The following TRHR variants were observed in gnomAD, a reference collection of about 807,000 sequenced individuals.
TRHR encodes the protein thyrotropin-releasing hormone receptor.
In TRHR, 14 loss-of-function variants were observed where a neutral mutation model predicts 28.0. That is an observed-to-expected ratio of 0.50 (90% CI 0.33 to 0.78). The LOEUF (loss-of-function observed/expected upper bound fraction) is 0.78, where lower values mean the gene tolerates loss of function less well. Ranked by LOEUF, TRHR falls within the 30% of genes least tolerant of loss-of-function variation. The pLI is 0.02. For missense variants in TRHR, 438 were observed against 469.5 expected, an observed-to-expected ratio of 0.93 and a Z score of 0.62; for synonymous variants, 176 against 171.9, an observed-to-expected ratio of 1.02 and a Z score of -0.18.
intron 1 of TRHR, 41 bp from the exon 2 acceptor site, chr8:109,087,384 T>G (rs1563619894): frequency 2.0e-6 from 2 of 1,008,996 alleles, no homozygotes; most frequent in East Asian, 5.2e-5. Flanking sequence ...TGATCAGAAA[T>G]TGTAACACTG....
chr8:109,108,544 C>T (rs1319821643), intron 2 of TRHR, among the ~76,000 whole-genome samples: 1 of 152,054 alleles, frequency 6.6e-6, no homozygotes, highest in African/African-American at 2.4e-5. Context: ...AAAATATAAC[C>T]AGGAGAGGTA....
rs147501559 is a variant in TRHR, at chr8:109,089,015, C to T, written c.789+714C>T. 1.8e-3 allele frequency among the ~76,000 whole-genome samples: 269 copies of T among 152,118 alleles called. 1 individual carries two copies. Among genetic ancestry groups the T allele is most frequent in the South Asian group, 6.4e-3 (31 of 4,824 alleles). Reference sequence around the variant, plus strand: ...TTCCTGCTAAGCATACCTAAAAATTCTGTTATACTTTTAGATCACCTGAAT... The same window carrying T: ...TTCCTGCTAAGCATACCTAAAAATTTTGTTATACTTTTAGATCACCTGAAT... On this transcript the variant is annotated intron_variant, in intron 2 of 2. Coordinates refer to ENST00000518632, the MANE Select transcript of TRHR (RefSeq NM_003301.7).
At chr8:109,099,297 C>T (rs926811251) in intron 2 of TRHR, among the ~76,000 whole-genome samples, 2 of 152,102 alleles carry the variant, frequency 1.3e-5, no homozygotes, top group Admixed American at 6.6e-5. Flanking sequence ...AGCAGACTGA[C>T]AAACACTGAG....
chr8:109,103,316 G>T (rs554830599), intron 2 of TRHR, among the ~76,000 whole-genome samples: 1 of 151,948 alleles, frequency 6.6e-6, no homozygotes, highest in Admixed American at 6.5e-5. Flanking sequence ...TATCTTTAAA[G>T]AATTCTAGAA....
At chr8:109,118,003 A>G (rs1586197460) in intron 2 of TRHR, among the ~76,000 whole-genome samples, 1 of 151,898 alleles carries the variant, frequency 6.6e-6, no homozygotes, top group Non-Finnish European at 1.5e-5. Flanking sequence ...CATCCTACCT[A>G]TTGTCTTACT....
chr8:109,093,618 A>C (rs1811547043), intron 2 of TRHR, among the ~76,000 whole-genome samples: 3 of 151,492 alleles, frequency 2.0e-5, no homozygotes, highest in Non-Finnish European at 4.4e-5. Flanking sequence ...GTTGGCCAGG[A>C]TAGTCTCGAT....
intron 2 of TRHR, among the ~76,000 whole-genome samples, chr8:109,108,156 G>C (rs1047658428): frequency 6.6e-6 from 1 of 152,148 alleles, no homozygotes; most frequent in Non-Finnish European, 1.5e-5. Context: ...CCAGCTCTAC[G>C]ATGAGGGACT....
intron 2 of TRHR, among the ~76,000 whole-genome samples, chr8:109,096,974 C>A (rs894690953): frequency 6.6e-6 from 1 of 152,016 alleles, no homozygotes; most frequent in Non-Finnish European, 1.5e-5. Context: ...TTTATTAAAT[C>A]TTTTTTGAAT....
intron 2 of TRHR, among the ~76,000 whole-genome samples, chr8:109,114,336 T>C (rs1811885335): frequency 6.6e-6 from 1 of 152,074 alleles, no homozygotes; most frequent in Non-Finnish European, 1.5e-5. Flanking sequence ...TCTCTTTTGA[T>C]TGCCTTCAAT....
intron 2 of TRHR, among the ~76,000 whole-genome samples, chr8:109,097,001 G>T (rs912288881): frequency 6.6e-6 from 1 of 152,076 alleles, no homozygotes; most frequent in African/African-American, 2.4e-5. Flanking sequence ...AATAACAAAA[G>T]TGCAACTTGC....
chr8:109,088,484 A>T (rs1456283617), intron 2 of TRHR, among the ~76,000 whole-genome samples, 183 bp downstream of exon 2: 2 of 109,768 alleles, frequency 1.8e-5, no homozygotes, highest in African/African-American at 5.4e-5. Flanking sequence ...AGATCTAAAA[A>T]TAGATAGGGA....
chr8:109,108,073 C>G (rs910349129), intron 2 of TRHR, among the ~76,000 whole-genome samples: 1 of 152,118 alleles, frequency 6.6e-6, no homozygotes, highest in Admixed American at 6.6e-5. Context: ...AACTCCAGGC[C>G]TGAGCATAGT....
At chr8:109,114,674 C>T (rs181998418) in intron 2 of TRHR, among the ~76,000 whole-genome samples, 5 of 152,178 alleles carry the variant, frequency 3.3e-5, no homozygotes, top group African/African-American at 1.2e-4. Flanking sequence ...GTCACACATA[C>T]TTAATCTCTG....
chr8:109,113,949 G>C (rs4301422), intron 2 of TRHR, among the ~76,000 whole-genome samples: 86,796 of 151,814 alleles, frequency 0.57, 26,472 homozygotes, highest in African/African-American at 0.79. Context: ...TCTTGAGGAA[G>C]TATAATCTTA....
At chr8:109,117,787 C>T (rs1172425661) in intron 2 of TRHR, among the ~76,000 whole-genome samples, 1 of 151,860 alleles carries the variant, frequency 6.6e-6, no homozygotes, top group East Asian at 1.9e-4. Flanking sequence ...CAGTTAACCC[C>T]TTTGCTAAGT....
Position 109,119,335 on chromosome 8 carries a change from G to A in TRHR, c.1077G>A (p.Glu359=). Residue 359 remains glutamate, a synonymous_variant, in exon 3 of 3, where the codon GAG becomes GAA. Transcript: ENST00000518632. ...CCCTAAATTACAGCGTCATCAAGGA[G>A]TCAGACCATTTCAGCACAGAGCTTG... ...SVALNYSVIK[E]SDHFSTELDD... 1 of 1,612,428 alleles carries A rather than the reference G, an allele frequency of 6.2e-7. No individual in the cohort carries two copies. The highest frequency in any genetic ancestry group is 8.5e-7 in the Non-Finnish European group (1 of 1,179,038).
chr8:109,093,115 CA>C (rs936816041), intron 2 of TRHR, among the ~76,000 whole-genome samples: 5 of 152,074 alleles, frequency 3.3e-5, no homozygotes, highest in African/African-American at 1.2e-4. Context: ...ATCAATAAAA[CA>C]GGAAAAATAA....
At chr8:109,117,009 A>G (rs367783061) in intron 2 of TRHR, among the ~76,000 whole-genome samples, 2 of 152,038 alleles carry the variant, frequency 1.3e-5, no homozygotes, top group South Asian at 2.1e-4. Flanking sequence ...CTTCACTGAC[A>G]TTCCGTGAAA....
chr8:109,105,920 A>T (rs938800943), intron 2 of TRHR, among the ~76,000 whole-genome samples: 1 of 152,008 alleles, frequency 6.6e-6, no homozygotes, highest in Non-Finnish European at 1.5e-5. Context: ...AAGCTTGCTG[A>T]CTCCTGAGCC....
Sources: allele counts gnomAD v4.1 joint callset (sites outside exome capture counted in the v4.1 genomes callset), GRCh38; gene constraint gnomAD v4.1.1; transcripts MANE v1.5; gene names NCBI Gene and HGNC (gene_info 2026-07-23, HGNC 2026-07-21).